The following RYR2 variants were observed in gnomAD, a reference collection of about 807,000 sequenced individuals.
RYR2 encodes the protein ryanodine receptor 2, also known as cardiac muscle ryanodine receptor-calcium release channel.
RYR2 carries 227 observed loss-of-function variants against 601.1 expected under a neutral mutation model. The ratio of observed to expected loss-of-function variants is 0.38; its 90% CI spans 0.34 to 0.42. The LOEUF (loss-of-function observed/expected upper bound fraction) is 0.42, where lower values mean the gene tolerates loss of function less well. Among genes scored for constraint, RYR2 ranks in the 10% least tolerant of loss-of-function variants. The pLI, the probability that RYR2 is intolerant of heterozygous loss-of-function variation, is 1.00. For synonymous variants in RYR2, 2,223 were observed against 2,175.1 expected (o/e 1.02, Z -0.61); for missense variants, 4,646 against 6,156.5 (o/e 0.75, Z 8.21).
intron 2 of RYR2, among the ~76,000 whole-genome samples, chr1:237,299,239 C>A (rs144713244): frequency 6.6e-6 from 1 of 150,882 alleles, no homozygotes; most frequent in South Asian, 2.1e-4. Context: ...TCTTTTCCCT[C>A]TTCTTTATTC....
At chr1:237,549,376 A>C (rs939866220) in intron 26 of RYR2, among the ~76,000 whole-genome samples, 3 of 151,934 alleles carry the variant, frequency 2.0e-5, no homozygotes, top group African/African-American at 7.3e-5. Context: ...GGAGTTTGAG[A>C]CCAGCCTGGG....
Position 237,092,811 on chromosome 1 carries a change from G to A in RYR2, c.48+50242G>A, listed in dbSNP as rs142244127. On this transcript the variant is annotated intron_variant, in intron 1 of 104. Transcript: ENST00000366574. ...CTCCCAAAGCGCTGGGGTTATAGGCGTGAGCCACCGTGTCTGGCCAAAGAT... is the reference window on the plus strand; with the variant it reads ...CTCCCAAAGCGCTGGGGTTATAGGCATGAGCCACCGTGTCTGGCCAAAGAT... Among the ~76,000 whole-genome samples, 126 of 152,298 alleles carry A rather than the reference G, an allele frequency of 8.3e-4. 3 individuals are homozygous for A. In the East Asian group the frequency reaches 0.019, roughly 22 times the overall value.
rs774437805 is a variant in RYR2 at position 237,708,951 on chromosome 1, C to T, written c.9995C>T (p.Thr3332Met). 6.8e-6 allele frequency: 11 copies of T among 1,613,310 alleles called. No homozygotes were observed. In the Admixed American group the frequency reaches 1.0e-4, roughly 15 times the overall value. ...LMEKLKKKAA[T>M]VVSEEDHLKA... ...GAGAAACTCAAGAAAAAGGCAGCTACGGTGGTGTCTGAGGAAGACCACCTG... is the reference window on the plus strand; with the variant it reads ...GAGAAACTCAAGAAAAAGGCAGCTATGGTGGTGTCTGAGGAAGACCACCTG... Residue 3332 changes from threonine (T) to methionine (M), a missense_variant, in exon 69 of 105, where the codon ACG becomes ATG. Thr to Met is a moderately conservative substitution (Grantham distance 81, BLOSUM62 -1). Coordinates refer to ENST00000366574, the MANE Select transcript of RYR2 (RefSeq NM_001035.3).
At chr1:237,645,155 G>A (rs942050336) in intron 48 of RYR2, among the ~76,000 whole-genome samples, 2 of 152,140 alleles carry the variant, frequency 1.3e-5, no homozygotes, top group African/African-American at 4.8e-5. Flanking sequence ...AATGAAAGGG[G>A]TCACCATATA....
At chr1:237,397,491 G>T (rs373184832) in intron 10 of RYR2, among the ~76,000 whole-genome samples, 8 of 152,232 alleles carry the variant, frequency 5.3e-5, no homozygotes, top group East Asian at 3.9e-4. Context: ...CATCAGCCTT[G>T]CCTAAAAAGG....
rs982975601 is a variant in RYR2, at chr1:237,091,460, C to T, written c.48+48891C>T. Reference sequence around the variant, plus strand: ...GGCGGGGGGGGATAGGGTCTTGCCCCATTGCCCAGGCTGGAGTGCAGTGGC... The same window carrying T: ...GGCGGGGGGGGATAGGGTCTTGCCCTATTGCCCAGGCTGGAGTGCAGTGGC... On this transcript the variant is annotated intron_variant, in intron 1 of 104. Coordinates refer to ENST00000366574, the MANE Select transcript of RYR2 (RefSeq NM_001035.3). Among the ~76,000 whole-genome samples, 5 of 151,864 alleles carry T rather than the reference C, an allele frequency of 3.3e-5. No homozygotes were observed. The East Asian group carries it at 9.7e-4, about 29-fold the overall frequency.
At chr1:237,568,523 A>G (rs1672332678) in intron 28 of RYR2, among the ~76,000 whole-genome samples, 1 of 152,228 alleles carries the variant, frequency 6.6e-6, no homozygotes, top group Non-Finnish European at 1.5e-5. Context: ...GTTGGCATCT[A>G]TATTCAATTT....
chr1:237,117,597 TTCTCTTCTCTTCTTTCTCTTCTCTTTTC>T (rs1288533588), intron 1 of RYR2, among the ~76,000 whole-genome samples: 3 of 152,036 alleles, frequency 2.0e-5, no homozygotes, highest in Admixed American at 6.5e-5. Context: ...CTCTTCTTTT[TTCTCTTCTCTTCTTTCTCTTCTCTTTTC>T]TCTCTTCTCT....
chr1:237,288,241 G>A (rs1216800808), intron 2 of RYR2, among the ~76,000 whole-genome samples: 4 of 152,188 alleles, frequency 2.6e-5, no homozygotes, highest in Non-Finnish European at 5.9e-5. Context: ...GACTCCATAA[G>A]GGTTCTTTGC....
intron 1 of RYR2, among the ~76,000 whole-genome samples, chr1:237,101,835 C>A (rs1249620693): frequency 2.0e-5 from 3 of 152,310 alleles, no homozygotes; most frequent in Non-Finnish European, 4.4e-5. Flanking sequence ...TTCAGTCAAT[C>A]AGCCACTTAC....
At position 237,423,237 on chromosome 1, in the gene RYR2, C is replaced by T. The variant is rs876657995; in HGVS notation, c.994C>T (p.Arg332Trp). Residue 332 changes from arginine (R) to tryptophan (W), a missense_variant, in exon 12 of 105, where the codon CGG becomes TGG. Around this residue, in one of 17 missense-constraint regions of RYR2, gnomAD observed 1,807 missense variants for 2,088.1 expected, o/e 0.87. Coordinates refer to ENST00000366574, the MANE Select transcript of RYR2 (RefSeq NM_001035.3). Reference sequence around the variant, plus strand: ...TGTAAAATCAACAGCATTTACCTTCCGGTCTTCCAAGGTGAGACAGAAAAT... The same window carrying T: ...TGTAAAATCAACAGCATTTACCTTCTGGTCTTCCAAGGTGAGACAGAAAAT... ...ADVKSTAFTF[R>W]SSKEKLDVGV... 3.7e-6 allele frequency: 6 copies of T among 1,612,776 alleles called. No homozygotes were observed. The highest frequency in any genetic ancestry group is 1.3e-5 in the African/African-American group (1 of 74,840).
At chr1:237,187,119 C>T (rs1679432171) in intron 1 of RYR2, among the ~76,000 whole-genome samples, 1 of 151,894 alleles carries the variant, frequency 6.6e-6, no homozygotes, top group Non-Finnish European at 1.5e-5. Context: ...CCCCTACCTT[C>T]CAAATTCAGA....
intron 1 of RYR2, among the ~76,000 whole-genome samples, chr1:237,048,713 G>A (rs1293709880): frequency 1.3e-5 from 2 of 152,110 alleles, no homozygotes; most frequent in South Asian, 2.1e-4. Flanking sequence ...TCAAGCAATG[G>A]TCAGAGAATG....
chr1:237,717,277 C>T lies in RYR2; in HGVS notation c.10403C>T (p.Ala3468Val). The T allele has an allele frequency of 1.2e-6, 2 of 1,613,638 alleles. No homozygotes were observed. The highest frequency in any genetic ancestry group is 1.7e-6 in the Non-Finnish European group (2 of 1,179,650). ...RYSMQTSLIVAALKRLLPIGL... is the reference protein window; with the variant it reads ...RYSMQTSLIVVALKRLLPIGL... ...TCCATGCAGACCTCTCTGATTGTAGCAGCTCTGAAGCGGTTACTGCCCATT... is the reference window on the plus strand; with the variant it reads ...TCCATGCAGACCTCTCTGATTGTAGTAGCTCTGAAGCGGTTACTGCCCATT... Residue 3468 changes from alanine to valine, a missense_variant, in exon 72 of 105, where the codon GCA becomes GTA. Ala to Val is a moderately conservative substitution (Grantham distance 64). Coordinates refer to ENST00000366574, the MANE Select transcript of RYR2 (RefSeq NM_001035.3).
chr1:237,671,587 G>T (rs1684947143), intron 58 of RYR2, among the ~76,000 whole-genome samples: 1 of 151,768 alleles, frequency 6.6e-6, no homozygotes, highest in African/African-American at 2.4e-5. Context: ...AACACTAAAA[G>T]AATCAGGGCC....
intron 47 of RYR2, among the ~76,000 whole-genome samples, chr1:237,641,420 TA>T (rs1681462709): frequency 6.6e-6 from 1 of 152,146 alleles, no homozygotes; most frequent in Non-Finnish European, 1.5e-5. Context: ...AGGGAAGGTA[TA>T]GGGGGTGGAT....
chr1:237,091,733 G>C lies in RYR2; in HGVS notation c.48+49164G>C, dbSNP rs139727360. Among the ~76,000 whole-genome samples, 1,312 of 152,276 alleles carry C rather than the reference G, an allele frequency of 8.6e-3. 14 individuals are homozygous for C. The highest frequency in any genetic ancestry group is 0.029 in the African/African-American group (1,199 of 41,572). On this transcript the variant is annotated intron_variant, in intron 1 of 104. Transcript: ENST00000366574. ...AGCCACTGCACCTGACCCAGGGACGGTTCTAAGACCTGTTCTTTAAATCCT... is the reference window on the plus strand; with the variant it reads ...AGCCACTGCACCTGACCCAGGGACGCTTCTAAGACCTGTTCTTTAAATCCT...
In RYR2 at chr1:237,259,546, A is replaced by AAAAAGAG. The variant is rs1553368865; in HGVS notation, c.49-10950_49-10949insAAAGAGA. 2.1e-5 allele frequency among the ~76,000 whole-genome samples: 3 copies of AAAAAGAG among 143,832 alleles called. 1 individual carries two copies. Among genetic ancestry groups the AAAAAGAG allele is most frequent in the African/African-American group, 5.2e-5 (2 of 38,530 alleles). The allele number at this position is 143,832 out of a possible 152,430, so 94.4% of individuals were successfully genotyped here. A position where few individuals can be genotyped will look rare whatever the true frequency, so the allele number is the denominator to read the frequency against. ...AGACCATTTAAAAAAAAAAAAAAAA[A>AAAAAGAG]AGAGAGACTACCGTCACCTTGTATA... On this transcript the variant is annotated intron_variant, in intron 1 of 104. Coordinates refer to ENST00000366574, the MANE Select transcript of RYR2 (RefSeq NM_001035.3).
Position 237,491,876 on chromosome 1 carries a change from T to C in RYR2, c.1779T>C (p.His593=), listed in dbSNP as rs551327128. 1.2e-5 allele frequency: 18 copies of C among 1,447,284 alleles called. No individual in the cohort carries two copies. The South Asian group carries it at 2.2e-4, about 18-fold the overall frequency. 89.7% of individuals were successfully genotyped at this position (1,447,284 alleles called of 1,614,324 possible). Residue 593 remains histidine (H), a synonymous_variant, in exon 18 of 105, where the codon CAT becomes CAC. Coordinates refer to ENST00000366574, the MANE Select transcript of RYR2 (RefSeq NM_001035.3). ...PEALNIIKEG[H]IKSIISLLDK... ...CTCTAAATATTATTAAAGAAGGACATATTAAATCTATTATCTCACTTTTAG... is the reference window on the plus strand; with the variant it reads ...CTCTAAATATTATTAAAGAAGGACACATTAAATCTATTATCTCACTTTTAG...
Sources: gnomAD v4.1 joint callset for allele counts (sites outside exome capture counted in the v4.1 genomes callset) on GRCh38, gnomAD v4.1.1 for gene constraint, gnomAD v4.1.1 regional missense constraint, MANE v1.5 for transcripts, NCBI Gene and HGNC (gene_info 2026-07-23, HGNC 2026-07-21) for gene names.